Variants in ACOX3 observed in about 807,000 individuals in gnomAD.
ACOX3 encodes acyl-CoA oxidase 3, pristanoyl, also known as peroxisomal acyl-coenzyme A oxidase 3.
Under a neutral mutation model 81.5 loss-of-function variants are expected in ACOX3, and 73 were observed. The ratio of observed to expected loss-of-function variants is 0.90; its 90% CI spans 0.74 to 1.09. ACOX3 has a LOEUF of 1.09. Among genes scored for constraint, ACOX3 ranks in the 50% least tolerant of loss-of-function variants. The pLI is 0.00. For missense variants in ACOX3, 947 were observed against 928.0 expected (o/e 1.02, Z -0.27); for synonymous variants, 387 against 375.1 (o/e 1.03, Z -0.37).
In ACOX3 at chr4:8,415,857, A is replaced by G. The variant is rs756900988; in HGVS notation, c.287T>C (p.Met96Thr). ...FEYDFLSVED[M>T]FKSPLKVPAL... is the part of the protein sequence containing the mutation. The stretch of plus-strand genomic sequence containing the variant: ...GGGGACCTTCAGAGGGCTCTTGAAC[A>G]TGTCTTCGACACTGAGGAAGTCATA... The change falls in exon 3 of 18, where the codon ATG becomes ACG. Residue 96 changes from methionine to threonine, a missense_variant. Met to Thr is a moderately conservative substitution (Grantham distance 81, BLOSUM62 -1). Transcript: ENST00000356406. The G allele has an allele frequency of 1.1e-5, 17 of 1,614,066 alleles. No individual in the cohort carries two copies. Among genetic ancestry groups the G allele is most frequent in the Middle Eastern group, 1.6e-4 (1 of 6,084 alleles).
At position 8,389,762 on chromosome 4, in the gene ACOX3, A is replaced by G. The variant is rs369257303; in HGVS notation, c.1301-28T>C. 4.1e-5 allele frequency: 66 copies of G among 1,610,842 alleles called. No homozygotes were observed. In the African/African-American group the frequency reaches 8.1e-4, roughly 20 times the overall value. Reference sequence around the variant, plus strand: ...GCAACAAAGCCACAATAGTACCATCATTTAAGACGCATATTTGAGAAGCAG... The same window carrying G: ...GCAACAAAGCCACAATAGTACCATCGTTTAAGACGCATATTTGAGAAGCAG... On this transcript the variant is annotated intron_variant, in intron 11 of 17. Transcript: ENST00000356406. The surrounding 1 kb of genome is among the most constrained non-coding windows in gnomAD (Gnocchi z 5.3).
chr4:8,376,389 T>C (rs1716968025), intron 14 of ACOX3, among the ~76,000 whole-genome samples: 1 of 150,694 alleles, frequency 6.6e-6, no homozygotes, highest in East Asian at 1.9e-4. Context: ...ATATGGTGTA[T>C]GGGGGACTGA....
the ACOX3 span, among the ~76,000 whole-genome samples, chr4:8,358,991 C>T: frequency 6.6e-6 from 1 of 152,090 alleles, no homozygotes; most frequent in Non-Finnish European, 1.5e-5. Flanking sequence ...GGATTGGGAC[C>T]CCTTTCCTGT....
At position 8,418,153 on chromosome 4, in the gene ACOX3, T is replaced by A. The variant is rs935033396; in HGVS notation, c.-14-1618A>T. 5.9e-5 allele frequency among the ~76,000 whole-genome samples: 9 copies of A among 152,310 alleles called. No homozygotes were observed. In the East Asian group the frequency reaches 1.5e-3, roughly 26 times the overall value. ...CCAAAAACAGAAGAGAAGATAATAC[T>A]TCCCAACTCATTCTATGAGGCCAGT... On this transcript the variant is annotated intron_variant, in intron 1 of 17. Transcript: ENST00000356406.
Position 8,384,653 on chromosome 4 carries a change from A to C in ACOX3, c.1538-3046T>G. 6.6e-6 allele frequency among the ~76,000 whole-genome samples: 1 copy of C among 150,794 alleles called. No individual in the cohort carries two copies. Among genetic ancestry groups the C allele is most frequent in the African/African-American group, 2.4e-5 (1 of 40,976 alleles). On this transcript the variant is annotated intron_variant, in intron 13 of 17. Transcript: ENST00000356406. The surrounding 1 kb of genome is among the most constrained non-coding windows in gnomAD (Gnocchi z 5.3). ...CTCCCCAGCTGGGGCTCTGTCCTTG[A>C]CCCCATGGTGAGCTCTTCGCATGCA...
At position 8,405,345 on chromosome 4, in the gene ACOX3, C is replaced by G. The variant is rs1720817905; in HGVS notation, c.776+610G>C. On this transcript the variant is annotated intron_variant, in intron 7 of 17. Transcript: ENST00000356406. This position sits in a 1 kb window ranked among gnomAD's most constrained non-coding sequence, Gnocchi z 7.1. ...GCCACCCAGGCCTCCATGTGGCCAT[C>G]AAGCATTCATTAGTCTTTCTAGGCC... Among the ~76,000 whole-genome samples the G allele has an allele frequency of 6.6e-6, 1 of 152,236 alleles. No individual in the cohort carries two copies. The highest frequency in any genetic ancestry group is 1.5e-5 in the Non-Finnish European group (1 of 68,046).
chr4:8,410,280 C>T lies in ACOX3; in HGVS notation c.619G>A (p.Ala207Thr), dbSNP rs776625543. 19 of 1,614,134 alleles carry T rather than the reference C, an allele frequency of 1.2e-5. No homozygotes were observed. The highest frequency in any genetic ancestry group is 2.2e-5 in the East Asian group (1 of 44,888). Residue 207 changes from alanine to threonine, a missense_variant, in exon 6 of 18, where the codon GCG becomes ACG. Coordinates refer to ENST00000356406, the MANE Select transcript of ACOX3 (RefSeq NM_003501.3). ...ACACACAGCTTAGCAAACACCACCG[C>T]GTGAGTGGCTGTCTTGCCCATGTTG... ...VGNMGKTATH[A>T]VVFAKLCVPG...
intron 1 of ACOX3, among the ~76,000 whole-genome samples, chr4:8,438,358 T>A (rs980227647): frequency 6.6e-5 from 10 of 152,162 alleles, no homozygotes; most frequent in Admixed American, 5.2e-4. Context: ...CAAGAAAAAG[T>A]GGAGTGCATG....
At chr4:8,409,429 C>T (rs1578953537) in intron 6 of ACOX3, among the ~76,000 whole-genome samples, 2 of 133,496 alleles carry the variant, frequency 1.5e-5, no homozygotes, top group East Asian at 4.7e-4. Flanking sequence ...GCCTATGCAC[C>T]CTGGAAGGGG....
At chr4:8,402,285 C>A (rs1325100090) in intron 7 of ACOX3, among the ~76,000 whole-genome samples, 1 of 152,202 alleles carries the variant, frequency 6.6e-6, no homozygotes, top group African/African-American at 2.4e-5. Flanking sequence ...GGCCCCTGCC[C>A]ACCTGCAGGA....
chr4:8,370,831 C>A lies in ACOX3; in HGVS notation c.1983+77G>T. 2 of 1,389,918 alleles carry A rather than the reference C, an allele frequency of 1.4e-6. No individual in the cohort carries two copies. Among genetic ancestry groups the A allele is most frequent in the Non-Finnish European group, 2.0e-6 (2 of 986,480 alleles). The allele number at this position is 1,389,918 out of a possible 1,614,324, so 86.1% of individuals were successfully genotyped here. A position where few individuals can be genotyped will look rare whatever the true frequency, so the allele number is the denominator to read the frequency against. On this transcript the variant is annotated intron_variant, in intron 17 of 17. Coordinates refer to ENST00000356406, the MANE Select transcript of ACOX3 (RefSeq NM_003501.3). The surrounding 1 kb of genome is among the most constrained non-coding windows in gnomAD (Gnocchi z 6.3). ...TTCCAGAAGACACCAGACCCCTGAC[C>A]CACAGGAGCATCTCAGCTCCGCAGA...
Position 8,389,395 on chromosome 4 carries a change from CCA to C in ACOX3, c.1424-111_1424-110del. ...AGAGAGTGTCCAGAGGACCCGACGG[CCA>C]CAGACCCACAGGCGAGGGTCTGGGT... On this transcript the variant is annotated intron_variant, in intron 12 of 17. Coordinates refer to ENST00000356406, the MANE Select transcript of ACOX3 (RefSeq NM_003501.3). This position sits in a 1 kb window ranked among gnomAD's most constrained non-coding sequence, Gnocchi z 5.3. The C allele has an allele frequency of 7.8e-7, 1 of 1,276,320 alleles. No homozygotes were observed. Among genetic ancestry groups the C allele is most frequent in the Non-Finnish European group, 1.1e-6 (1 of 919,054 alleles). 79.1% of individuals were successfully genotyped at this position (1,276,320 alleles called of 1,614,324 possible).
chr4:8,407,401 T>C lies in ACOX3; in HGVS notation c.688-1358A>G, dbSNP rs192387220. 4.6e-5 allele frequency among the ~76,000 whole-genome samples: 7 copies of C among 152,200 alleles called. No homozygotes were observed. The highest frequency in any genetic ancestry group is 2.9e-5 in the Non-Finnish European group (2 of 68,022). On this transcript the variant is annotated intron_variant, in intron 6 of 17. Coordinates refer to ENST00000356406, the MANE Select transcript of ACOX3 (RefSeq NM_003501.3). The surrounding 1 kb of genome is among the most constrained non-coding windows in gnomAD (Gnocchi z 4.6). ...GCACCTGGGTGGCTTGCCGCCCACA[T>C]GGGGCCACAGGCCTGGGGCCACCAG...
chr4:8,385,330 T>G lies in ACOX3; in HGVS notation c.1538-3723A>C, dbSNP rs1030382680. ...CTCCACCGCTCACCTGTGACCTCAC[T>G]GCTCACCTCACATGACCTCACTGTG... On this transcript the variant is annotated intron_variant, in intron 13 of 17. Transcript: ENST00000356406. The surrounding 1 kb of genome is among the most constrained non-coding windows in gnomAD (Gnocchi z 5.5). Among the ~76,000 whole-genome samples, 3 of 151,978 alleles carry G rather than the reference T, an allele frequency of 2.0e-5. No individual in the cohort carries two copies. Among genetic ancestry groups the G allele is most frequent in the African/African-American group, 7.3e-5 (3 of 41,358 alleles).
At chr4:8,362,874 G>T (rs1463229422), downstream of ACOX3, among the ~76,000 whole-genome samples, 1 of 152,182 alleles carries the variant, frequency 6.6e-6, no homozygotes, top group Non-Finnish European at 1.5e-5. Context: ...AATTTAAAAA[G>T]AGCTTATGTG....
chr4:8,359,317 G>A, the ACOX3 span, among the ~76,000 whole-genome samples: 123 of 152,040 alleles, frequency 8.1e-4, no homozygotes, highest in African/African-American at 2.5e-3. The surrounding 1 kb of genome is among the most constrained non-coding windows in gnomAD (Gnocchi z 6.0). Flanking sequence ...GAGGCCCAAC[G>A]TAGGGGAGTT....
At position 8,370,352 on chromosome 4, in the gene ACOX3, G is replaced by T. The variant is rs918167091; in HGVS notation, c.1983+556C>A. ...CTGGTGGAGGCTCCCTCAGGGGGGC[G>T]GCCTGACCCCATCTGCTATGAAGGA... On this transcript the variant is annotated intron_variant, in intron 17 of 17. Coordinates refer to ENST00000356406, the MANE Select transcript of ACOX3 (RefSeq NM_003501.3). This position sits in a 1 kb window ranked among gnomAD's most constrained non-coding sequence, Gnocchi z 6.3. Among the ~76,000 whole-genome samples the T allele has an allele frequency of 1.3e-5, 2 of 152,008 alleles. No individual in the cohort carries two copies. The highest frequency in any genetic ancestry group is 2.9e-5 in the Non-Finnish European group (2 of 67,986).
rs1310416814 is a variant in ACOX3, at chr4:8,397,107, G to A, written c.886C>T (p.Arg296Cys). 5.1e-6 allele frequency: 8 copies of A among 1,557,410 alleles called. No homozygotes were observed. Among genetic ancestry groups the A allele is most frequent in the Middle Eastern group, 1.7e-4 (1 of 5,812 alleles). The change falls in exon 9 of 18, where the codon CGC (arginine) becomes TGC (cysteine). Residue 296 changes from arginine to cysteine, a missense_variant. Physicochemically the swap from Arg to Cys is radical, Grantham distance 180. Transcript: ENST00000356406. Reference sequence around the variant, plus strand: ...AGGCTCCCCAGGGACGCTCCAAAGCGCTGCCTGACGTCCTACGGGAGGGAC... The same window carrying A: ...AGGCTCCCCAGGGACGCTCCAAAGCACTGCCTGACGTCCTACGGGAGGGAC... ...YVSPFKDVRQ[R>C]FGASLGSLSS...
At chr4:8,412,758 G>T (rs1418835221) in intron 5 of ACOX3, among the ~76,000 whole-genome samples, 2 of 152,048 alleles carry the variant, frequency 1.3e-5, no homozygotes, top group African/African-American at 4.8e-5. Flanking sequence ...TGGCAGGGAG[G>T]CAGGGCCAGG....
Sources: allele counts gnomAD v4.1 joint callset (sites outside exome capture counted in the v4.1 genomes callset), GRCh38; gene constraint gnomAD v4.1.1; non-coding constraint Gnocchi (gnomAD v3.1); transcripts MANE v1.5; gene names NCBI Gene and HGNC (gene_info 2026-07-23, HGNC 2026-07-21).